Variants in SOX6 observed in about 807,000 individuals in gnomAD.
The protein encoded by SOX6 is SRY-box transcription factor 6, also known as transcription factor SOX-6.
Under a neutral mutation model 97.8 loss-of-function variants are expected in SOX6, and 11 were observed. The observed-to-expected ratio is 0.11, with a 90% CI of 0.07 to 0.19. The LOEUF (loss-of-function observed/expected upper bound fraction) is 0.19. Among genes scored for constraint, SOX6 ranks in the 10% least tolerant of loss-of-function variants. SOX6 has a pLI of 1.00. For synonymous variants in SOX6, 360 were observed against 371.4 expected, an observed-to-expected ratio of 0.97 and a Z score of 0.35; for missense variants, 810 against 1,039.5, an observed-to-expected ratio of 0.78 and a Z score of 3.04.
intron 2 of SOX6, among the ~76,000 whole-genome samples, chr11:16,727,238 T>C (rs1848313070): frequency 6.6e-6 from 1 of 150,490 alleles, no homozygotes; most frequent in African/African-American, 2.4e-5. Flanking sequence ...ATCTTTTTAA[T>C]ACAGACACAA....
At chr11:16,123,376 G>A (rs1350430078) in intron 6 of SOX6, among the ~76,000 whole-genome samples, 3 of 151,982 alleles carry the variant, frequency 2.0e-5, no homozygotes, top group African/African-American at 4.8e-5. Flanking sequence ...TAAATAAGAT[G>A]TCTAAGCTAT....
chr11:16,703,633 C>A (rs562625663), intron 3 of SOX6, among the ~76,000 whole-genome samples: 34 of 152,272 alleles, frequency 2.2e-4, no homozygotes, highest in African/African-American at 8.2e-4. Flanking sequence ...TTACCCCTCT[C>A]TCTCATCAAA....
intron 4 of SOX6, among the ~76,000 whole-genome samples, chr11:16,204,536 G>C (rs1852023313): frequency 6.6e-6 from 1 of 150,992 alleles, no homozygotes; most frequent in Non-Finnish European, 1.5e-5. Context: ...GAGCTTTTTA[G>C]CGGGGAAGAG....
intron 4 of SOX6, among the ~76,000 whole-genome samples, chr11:16,534,157 T>A (rs908405111): frequency 2.0e-5 from 3 of 152,144 alleles, no homozygotes; most frequent in African/African-American, 4.8e-5. Flanking sequence ...TTCATTCAAA[T>A]TCTTATTCAT....
chr11:16,360,052 G>T (rs1399628769), upstream of SOX6, among the ~76,000 whole-genome samples: 1 of 152,146 alleles, frequency 6.6e-6, no homozygotes, highest in African/African-American at 2.4e-5. Flanking sequence ...TACTTCTAAT[G>T]ATATCAGTTA....
At chr11:16,732,930 T>C (rs1462895323) in intron 2 of SOX6, among the ~76,000 whole-genome samples, 1 of 152,134 alleles carries the variant, frequency 6.6e-6, no homozygotes, top group African/African-American at 2.4e-5. Flanking sequence ...GTGAAGGATA[T>C]GAACAGACAC....
chr11:16,566,346 T>A (rs549795261), intron 4 of SOX6, among the ~76,000 whole-genome samples: 11 of 152,298 alleles, frequency 7.2e-5, no homozygotes, highest in African/African-American at 2.6e-4. Flanking sequence ...AAAACAATGC[T>A]ACCAAACTTT....
chr11:16,322,279 T>G (rs1855951021), intron 2 of SOX6, among the ~76,000 whole-genome samples: 1 of 152,066 alleles, frequency 6.6e-6, no homozygotes, highest in South Asian at 2.1e-4. Flanking sequence ...TCCCCTTGCT[T>G]ATGATAATGA....
chr11:16,355,006 C>A (rs1394003974), intron 1 of SOX6, among the ~76,000 whole-genome samples: 1 of 152,002 alleles, frequency 6.6e-6, no homozygotes, highest in East Asian at 1.9e-4. Flanking sequence ...TAAAATTCTC[C>A]TCTCACAATT....
chr11:16,184,027 T>G (rs1851407953), intron 5 of SOX6, 73 bp from the exon 6 acceptor site: 2 of 1,306,594 alleles, frequency 1.5e-6, no homozygotes, highest in Non-Finnish European at 2.2e-6. Flanking sequence ...GTATTTCTCC[T>G]GGTATTACAA....
At chr11:16,406,803 A>G (rs1858695267) in intron 1 of SOX6, among the ~76,000 whole-genome samples, 1 of 152,130 alleles carries the variant, frequency 6.6e-6, no homozygotes, top group Non-Finnish European at 1.5e-5. Flanking sequence ...TGACTCCCAA[A>G]GTTCATCAGC....
intron 2 of SOX6, among the ~76,000 whole-genome samples, chr11:16,735,395 C>T (rs952470691): frequency 1.3e-5 from 2 of 152,110 alleles, no homozygotes; most frequent in African/African-American, 4.8e-5. Context: ...TTCCAATTTC[C>T]CTCAGCCAAA....
At chr11:16,467,609 G>A (rs1860066430) in intron 1 of SOX6, among the ~76,000 whole-genome samples, 1 of 152,074 alleles carries the variant, frequency 6.6e-6, no homozygotes. Flanking sequence ...CACATAGAGG[G>A]GAACAACACA....
At chr11:16,542,163 AG>A (rs1861419556) in intron 4 of SOX6, among the ~76,000 whole-genome samples, 1 of 152,224 alleles carries the variant, frequency 6.6e-6, no homozygotes, top group Non-Finnish European at 1.5e-5. Flanking sequence ...TGTCCTTTGC[AG>A]GGACATGGAT....
chr11:16,346,497 C>T (rs527742851), intron 1 of SOX6, among the ~76,000 whole-genome samples: 5 of 152,112 alleles, frequency 3.3e-5, no homozygotes, highest in Admixed American at 2.6e-4. Flanking sequence ...CCAGTAAAGT[C>T]GGAAGGTGCT....
At chr11:16,518,634 C>A (rs1047386562) in intron 4 of SOX6, among the ~76,000 whole-genome samples, 3 of 152,104 alleles carry the variant, frequency 2.0e-5, no homozygotes, top group Non-Finnish European at 4.4e-5. Context: ...CTTACGCAAA[C>A]AAACTTTATC....
chr11:16,302,521 T>C (rs2134275836), intron 3 of SOX6, among the ~76,000 whole-genome samples: 1 of 151,902 alleles, frequency 6.6e-6, no homozygotes, highest in African/African-American at 2.4e-5. Flanking sequence ...AAAAAAATTA[T>C]GGTTTCCTCT....
chr11:16,098,367 A>C (rs1254962990), intron 7 of SOX6, among the ~76,000 whole-genome samples: 4 of 151,852 alleles, frequency 2.6e-5, no homozygotes, highest in Non-Finnish European at 5.9e-5. Context: ...GCTTTGATTA[A>C]ATAAATGCGC....
chr11:16,202,502 A>G (rs1851967751), intron 4 of SOX6, among the ~76,000 whole-genome samples: 1 of 152,204 alleles, frequency 6.6e-6, no homozygotes, highest in Admixed American at 6.5e-5. Context: ...CCCATTCAAC[A>G]AGATAGTATT....
Sources: gnomAD v4.1 joint callset for allele counts (sites outside exome capture counted in the v4.1 genomes callset) on GRCh38, gnomAD v4.1.1 for gene constraint, MANE v1.5 for transcripts, NCBI Gene and HGNC (gene_info 2026-07-23, HGNC 2026-07-21) for gene names.